CLEC16A: variants seen among roughly 807,000 people sequenced by gnomAD.
CLEC16A encodes C-type lectin domain containing 16A.
A neutral mutation model predicts 109.5 loss-of-function variants in CLEC16A; 51 were observed. The ratio of observed to expected loss-of-function variants is 0.47; its 90% CI spans 0.37 to 0.59. CLEC16A has a LOEUF of 0.59. Among genes scored for constraint, CLEC16A ranks in the 20% least tolerant of loss-of-function variants. CLEC16A has a pLI of 0.00. For missense variants in CLEC16A, 1,339 were observed against 1,394.0 expected (o/e 0.96, Z 0.63); for synonymous variants, 673 against 564.2 (o/e 1.19, Z -2.73).
intron 22 of CLEC16A, among the ~76,000 whole-genome samples, chr16:11,165,029 G>A (rs988464293): frequency 2.6e-5 from 4 of 151,940 alleles, no homozygotes; most frequent in Non-Finnish European, 4.4e-5. Context: ...AGGAGGACTC[G>A]CCCCCCCATA....
chr16:11,163,529 C>G (rs1160696825), intron 22 of CLEC16A, among the ~76,000 whole-genome samples: 1 of 152,192 alleles, frequency 6.6e-6, no homozygotes, highest in Non-Finnish European at 1.5e-5. Context: ...GCAGATTTTA[C>G]TGCCAATCTA....
chr16:11,047,274 C>CCCTT lies in CLEC16A; in HGVS notation c.1816-13_1816-10dup. 1 of 1,602,658 alleles carries CCCTT rather than the reference C, an allele frequency of 6.2e-7. No homozygotes were observed. Among genetic ancestry groups the CCCTT allele is most frequent in the Non-Finnish European group, 8.5e-7 (1 of 1,172,746 alleles). On this transcript the variant is annotated splice_polypyrimidine_tract_variant and intron_variant, in intron 16 of 23. Transcript: ENST00000409790. ...AAATATGAATAATCTCCTCTTCCCTCCCTTCCTTTCTTTTTAGGGAGAAGA... is the reference window on the plus strand; with the variant it reads ...AAATATGAATAATCTCCTCTTCCCTCCCTTCCTTCCTTTCTTTTTAGGGAGAAGA...
intron 12 of CLEC16A, chr16:11,024,548 G>C: frequency 5.5e-6 from 2 of 366,110 alleles, no homozygotes; most frequent in Non-Finnish European, 1.0e-5. Flanking sequence ...TTGTATAATT[G>C]ATTCCCTGTG....
At chr16:11,014,205 C>T (rs2045604749) in intron 11 of CLEC16A, among the ~76,000 whole-genome samples, 1 of 152,096 alleles carries the variant, frequency 6.6e-6, no homozygotes, top group Admixed American at 6.6e-5. Context: ...CTTTTCCTTT[C>T]TTACATACAG....
At chr16:11,071,434 G>T (rs1229473341) in intron 19 of CLEC16A, among the ~76,000 whole-genome samples, 1 of 152,098 alleles carries the variant, frequency 6.6e-6, no homozygotes, top group Non-Finnish European at 1.5e-5. Context: ...GAAGGTAGAG[G>T]GGTACTGTTT....
chr16:11,040,513 T>C (rs1321966808), intron 14 of CLEC16A: 1 of 107,768 alleles, frequency 9.3e-6, no homozygotes, highest in African/African-American at 5.5e-5. Flanking sequence ...CTTTTTCTTT[T>C]CTTTTTTTTT....
At position 11,003,190 on chromosome 16, in the gene CLEC16A, T is replaced by C. The variant is rs2044772395; in HGVS notation, c.1188T>C (p.Val396=). 2 of 1,610,996 alleles carry C rather than the reference T, an allele frequency of 1.2e-6. No individual in the cohort carries two copies. The highest frequency in any genetic ancestry group is 4.5e-5 in the East Asian group (2 of 44,734). ...RVQKRPNYKN[V]GEEEDEEKGP... ...AAAAGAGACCCAACTACAAAAACGT[T>C]GGGGAAGAAGAAGATGAGGAGAAAG... Residue 396 remains valine (V), a synonymous_variant, in exon 11 of 24, where the codon GTT becomes GTC. Coordinates refer to ENST00000409790, the MANE Select transcript of CLEC16A (RefSeq NM_015226.3).
At chr16:11,027,836 T>A in intron 13 of CLEC16A, 1 of 711,620 alleles carries the variant, frequency 1.4e-6, no homozygotes, top group Middle Eastern at 3.7e-4. Flanking sequence ...TTTGGGAATT[T>A]TTATCAAGTG....
chr16:10,974,217 A>AG (rs1308278496), intron 7 of CLEC16A, among the ~76,000 whole-genome samples: 2 of 151,768 alleles, frequency 1.3e-5, no homozygotes, highest in African/African-American at 2.4e-5. Flanking sequence ...TTTTTTTTGC[A>AG]GGGGGGATAA....
chr16:11,015,899 C>T (rs1161278665), intron 11 of CLEC16A, among the ~76,000 whole-genome samples: 2 of 152,210 alleles, frequency 1.3e-5, no homozygotes, highest in Non-Finnish European at 2.9e-5. Context: ...GGGCCTATGC[C>T]ACGTCCTCTG....
chr16:11,129,214 G>C (rs2053031206), intron 22 of CLEC16A, among the ~76,000 whole-genome samples: 1 of 152,140 alleles, frequency 6.6e-6, no homozygotes, highest in Non-Finnish European at 1.5e-5. Flanking sequence ...CATTTAGATA[G>C]ATTATATTTA....
intron 18 of CLEC16A, among the ~76,000 whole-genome samples, chr16:11,053,074 A>G (rs1180906248): frequency 1.3e-5 from 2 of 152,010 alleles, no homozygotes; most frequent in Non-Finnish European, 2.9e-5. Context: ...GATGTTTTAT[A>G]GAGATGAAGT....
At chr16:10,972,911 T>G (rs1375262664) in intron 6 of CLEC16A, 27 bp from the exon 7 acceptor site, 1 of 1,567,316 alleles carries the variant, frequency 6.4e-7, no homozygotes, top group South Asian at 1.2e-5. Flanking sequence ...TAGCTTGACT[T>G]TTTTTTTCTT....
intron 19 of CLEC16A, among the ~76,000 whole-genome samples, chr16:11,083,727 C>T (rs1229537652): frequency 6.6e-6 from 1 of 152,254 alleles, no homozygotes; most frequent in Non-Finnish European, 1.5e-5. Flanking sequence ...GGCCCTAAGC[C>T]CCAGTCCTCT....
chr16:10,997,191 G>T (rs2044380715), intron 10 of CLEC16A, among the ~76,000 whole-genome samples: 1 of 152,162 alleles, frequency 6.6e-6, no homozygotes, highest in Non-Finnish European at 1.5e-5. Context: ...TGAACTTCTG[G>T]GCTCAAGTGA....
intron 7 of CLEC16A, among the ~76,000 whole-genome samples, chr16:10,974,481 G>A (rs915676477): frequency 3.3e-5 from 5 of 152,192 alleles, no homozygotes; most frequent in African/African-American, 7.2e-5. Context: ...TGTCCTGTGC[G>A]TTGTAGGATT....
Position 11,174,295 on chromosome 16 carries a change from G to T in CLEC16A, c.2807-4040G>T. 1 of 448,076 alleles carries T rather than the reference G, an allele frequency of 2.2e-6. No homozygotes were observed. The allele number at this position is 448,076 out of a possible 1,614,324, so 27.8% of individuals were successfully genotyped here. On this transcript the variant is annotated intron_variant, in intron 23 of 23. Coordinates refer to ENST00000409790, the MANE Select transcript of CLEC16A (RefSeq NM_015226.3). The surrounding 1 kb of genome is among the most constrained non-coding windows in gnomAD (Gnocchi z 4.7). ...CAATTCAGGCAGGTCTCCCCTGTGA[G>T]CCGCTCGGGCCGCGACGTCCACTCG...
At chr16:10,975,943 C>T (rs776976845) in intron 7 of CLEC16A, among the ~76,000 whole-genome samples, 1 of 152,148 alleles carries the variant, frequency 6.6e-6, no homozygotes, top group Non-Finnish European at 1.5e-5. Context: ...TGAGCCACTG[C>T]ACCCAGCTGA....
chr16:11,131,997 G>T (rs185134271), intron 22 of CLEC16A, among the ~76,000 whole-genome samples: 1 of 152,150 alleles, frequency 6.6e-6, no homozygotes, highest in Non-Finnish European at 1.5e-5. Context: ...GCTCTGCTCC[G>T]ATACCTCAAA....
Sources: gnomAD v4.1 joint callset for allele counts (sites outside exome capture counted in the v4.1 genomes callset) on GRCh38, gnomAD v4.1.1 for gene constraint, Gnocchi (gnomAD v3.1) non-coding constraint, MANE v1.5 for transcripts, NCBI Gene and HGNC (gene_info 2026-07-23, HGNC 2026-07-21) for gene names.